Variants in IGSF11 observed in about 807,000 individuals in gnomAD.
IGSF11 encodes immunoglobulin superfamily member 11.
IGSF11 carries 22 observed loss-of-function variants against 41.0 expected under a neutral mutation model. The observed-to-expected ratio is 0.54, with a 90% CI of 0.38 to 0.77. The LOEUF is 0.77. Ranked by LOEUF, IGSF11 falls within the 30% of genes least tolerant of loss-of-function variation. The pLI is 0.00. For synonymous variants in IGSF11, 219 were observed against 201.3 expected (o/e 1.09, Z -0.74); for missense variants, 444 against 530.8 (o/e 0.84, Z 1.61).
intron 1 of IGSF11, among the ~76,000 whole-genome samples, chr3:119,014,214 C>T (rs900102250): frequency 1.3e-5 from 2 of 152,218 alleles, no homozygotes; most frequent in African/African-American, 2.4e-5. Flanking sequence ...TTGACGTTCA[C>T]TCCAGCTGCT....
chr3:118,965,003 C>T (rs1302531238), intron 1 of IGSF11, among the ~76,000 whole-genome samples: 7 of 151,860 alleles, frequency 4.6e-5, no homozygotes, highest in Admixed American at 1.3e-4. Flanking sequence ...TCCTCTTTGC[C>T]GAGAGGTTAT....
At chr3:119,061,562 C>A (rs534829257) in intron 1 of IGSF11, among the ~76,000 whole-genome samples, 11 of 152,176 alleles carry the variant, frequency 7.2e-5, no homozygotes, top group Non-Finnish European at 5.9e-5. Flanking sequence ...TGATCAATGA[C>A]AACCAACCAA....
chr3:119,016,672 C>T (rs574832937), intron 1 of IGSF11, among the ~76,000 whole-genome samples: 4 of 152,256 alleles, frequency 2.6e-5, no homozygotes, highest in East Asian at 1.9e-4. Flanking sequence ...AAATGATAAA[C>T]GTGGCATCCA....
chr3:119,027,515 G>A (rs377649464), intron 1 of IGSF11, among the ~76,000 whole-genome samples: 2 of 152,104 alleles, frequency 1.3e-5, no homozygotes, highest in African/African-American at 4.8e-5. Flanking sequence ...ATGTGAAAGT[G>A]CCACTTCTCT....
chr3:119,111,109 C>G (rs1317857255), intron 1 of IGSF11, among the ~76,000 whole-genome samples: 1 of 152,066 alleles, frequency 6.6e-6, no homozygotes, highest in Non-Finnish European at 1.5e-5. Flanking sequence ...ATGGCGTTCT[C>G]TGTATTTCCT....
At chr3:119,049,835 A>T (rs984240402) in intron 1 of IGSF11, among the ~76,000 whole-genome samples, 12 of 148,892 alleles carry the variant, frequency 8.1e-5, no homozygotes, top group Non-Finnish European at 3.0e-5. Context: ...AGCCCTCAGA[A>T]ATAACGCCGC....
At chr3:119,039,333 CCCA>C (rs1441002062), upstream of IGSF11, among the ~76,000 whole-genome samples, 1 of 116,886 alleles carries the variant, frequency 8.6e-6, no homozygotes, top group Non-Finnish European at 2.1e-5. Flanking sequence ...GATTCTAGAG[CCCA>C]CCTACTTTCC....
At chr3:118,937,178 G>A (rs1193201485) in intron 1 of IGSF11, among the ~76,000 whole-genome samples, 1 of 152,172 alleles carries the variant, frequency 6.6e-6, no homozygotes, top group Admixed American at 6.5e-5. Context: ...TGCCTAAAAT[G>A]TCAATATCAG....
chr3:118,926,576 T>C, intron 3 of IGSF11, among the ~76,000 whole-genome samples: 1 of 152,216 alleles, frequency 6.6e-6, no homozygotes, highest in Non-Finnish European at 1.5e-5. Context: ...AGATCCATTG[T>C]ATCAACATGT....
At chr3:118,961,990 T>C in intron 1 of IGSF11, among the ~76,000 whole-genome samples, 1 of 152,204 alleles carries the variant, frequency 6.6e-6, no homozygotes, top group Non-Finnish European at 1.5e-5. Flanking sequence ...GGAACACTAA[T>C]TATATGTGAT....
rs191954711 is a variant in IGSF11 at position 119,100,727 on chromosome 3, G to C, written c.49+4417C>G. Among the ~76,000 whole-genome samples the C allele has an allele frequency of 3.2e-4, 48 of 152,280 alleles. 1 individual carries two copies. The highest frequency in any genetic ancestry group is 1.1e-3 in the African/African-American group (47 of 41,552). Reference sequence around the variant, plus strand: ...GGCTGGACCATGAGACGTTTCTAAGGTTCATTTTAGATCTAAAGTGTATGA... The same window carrying C: ...GGCTGGACCATGAGACGTTTCTAAGCTTCATTTTAGATCTAAAGTGTATGA... On this transcript the variant is annotated intron_variant, in intron 1 of 6. Coordinates refer to the IGSF11 transcript ENST00000354673.
chr3:119,060,375 C>T (rs1446454225), intron 1 of IGSF11, among the ~76,000 whole-genome samples: 2 of 152,060 alleles, frequency 1.3e-5, no homozygotes, highest in African/African-American at 2.4e-5. Flanking sequence ...AAAAAACAAC[C>T]CTGAGAAGAA....
chr3:118,978,907 C>T (rs79831513), intron 1 of IGSF11, among the ~76,000 whole-genome samples: 3,673 of 152,152 alleles, frequency 0.024, 79 homozygotes, highest in East Asian at 0.066. Flanking sequence ...CAAGGGAACA[C>T]GTTATCCAGC....
At chr3:119,058,181 C>T (rs1407888386) in intron 1 of IGSF11, among the ~76,000 whole-genome samples, 1 of 152,058 alleles carries the variant, frequency 6.6e-6, no homozygotes, top group Non-Finnish European at 1.5e-5. Context: ...TCAGAGTGAA[C>T]AGGCAACCTA....
At chr3:119,088,207 A>G (rs2076707703) in intron 1 of IGSF11, among the ~76,000 whole-genome samples, 2 of 151,542 alleles carry the variant, frequency 1.3e-5, no homozygotes, top group South Asian at 4.2e-4. Flanking sequence ...AAAAATTAAA[A>G]TCATACCAGG....
chr3:119,079,301 A>G (rs1015256049), intron 1 of IGSF11, among the ~76,000 whole-genome samples: 3 of 152,112 alleles, frequency 2.0e-5, no homozygotes, highest in African/African-American at 7.2e-5. Context: ...CGGAGGTTAC[A>G]GTGAGCTGAA....
intron 1 of IGSF11, among the ~76,000 whole-genome samples, chr3:119,019,517 T>C (rs534336020): frequency 4.6e-5 from 7 of 151,814 alleles, no homozygotes; most frequent in African/African-American, 7.3e-5. Context: ...AGAGAAACTC[T>C]TGGTCTTTCA....
intron 1 of IGSF11, among the ~76,000 whole-genome samples, chr3:119,029,634 G>A (rs1469635955): frequency 6.6e-6 from 1 of 152,188 alleles, no homozygotes; most frequent in Non-Finnish European, 1.5e-5. Flanking sequence ...TCATTAAGGG[G>A]AATACAGAAG....
chr3:119,035,970 A>C (rs887725367), upstream of IGSF11, among the ~76,000 whole-genome samples: 1 of 152,240 alleles, frequency 6.6e-6, no homozygotes, highest in African/African-American at 2.4e-5. Context: ...CAGAAGAAAA[A>C]TATGTAAAAT....
Sources: allele counts gnomAD v4.1 joint callset (sites outside exome capture counted in the v4.1 genomes callset), GRCh38; gene constraint gnomAD v4.1.1; transcripts MANE v1.5; gene names NCBI Gene and HGNC (gene_info 2026-07-23, HGNC 2026-07-21).